Variants in SESN1 observed in about 807,000 individuals in gnomAD.
SESN1 encodes the protein sestrin 1, also known as sestrin-1.
Under a neutral mutation model 59.3 loss-of-function variants are expected in SESN1, and 30 were observed. That is an observed-to-expected ratio of 0.51 (90% CI 0.38 to 0.69). SESN1 has a LOEUF of 0.69. Among genes scored for constraint, SESN1 ranks in the 30% least tolerant of loss-of-function variants. The pLI is 0.00. For synonymous variants in SESN1, 197 were observed against 219.9 expected (o/e 0.90, Z 0.92); for missense variants, 566 against 673.0 (o/e 0.84, Z 1.76).
intron 5 of SESN1, among the ~76,000 whole-genome samples, chr6:108,996,585 G>A (rs1779506520): frequency 6.6e-6 from 1 of 151,886 alleles, no homozygotes; most frequent in African/African-American, 2.4e-5. Context: ...AAGAGGGAAA[G>A]GAAACAAAGT....
intron 1 of SESN1, among the ~76,000 whole-genome samples, chr6:109,020,599 C>T (rs1779995359): frequency 6.6e-6 from 1 of 152,084 alleles, no homozygotes; most frequent in Non-Finnish European, 1.5e-5. Flanking sequence ...ATTTTTTCCT[C>T]TTTATTTCTA....
chr6:109,045,023 CAA>C (rs915797821), intron 1 of SESN1, among the ~76,000 whole-genome samples: 1 of 140,914 alleles, frequency 7.1e-6, no homozygotes, highest in Non-Finnish European at 1.6e-5. Context: ...GACTCCATTT[CAA>C]AAAAAAAAAA....
intron 1 of SESN1, among the ~76,000 whole-genome samples, chr6:109,088,396 C>T (rs1781251420): frequency 1.3e-5 from 2 of 151,776 alleles, no homozygotes; most frequent in South Asian, 4.2e-4. Context: ...AATTGGATAG[C>T]AACTAGATAC....
intron 1 of SESN1, among the ~76,000 whole-genome samples, chr6:109,068,381 T>C (rs1028883508): frequency 1.3e-4 from 20 of 152,168 alleles, no homozygotes; most frequent in African/African-American, 3.4e-4. Context: ...AAAAGAGTTA[T>C]TGAAAGTTAA....
chr6:109,026,534 G>A (rs1780095874), intron 1 of SESN1, among the ~76,000 whole-genome samples: 1 of 151,912 alleles, frequency 6.6e-6, no homozygotes, highest in African/African-American at 2.4e-5. Flanking sequence ...GTCTCGCTCT[G>A]TCGCCAGGCT....
In SESN1 at chr6:109,071,238, C is replaced by T. The variant is rs76421539; in HGVS notation, c.279+22557G>A. ...ACAGAATAAATATATAAGTAAATAA[C>T]GAGTTCAGGTCGTGTTTGGGGCAAA... On this transcript the variant is annotated intron_variant, in intron 1 of 9. Coordinates refer to ENST00000436639, the MANE Select transcript of SESN1 (RefSeq NM_014454.3). 7.8e-3 allele frequency among the ~76,000 whole-genome samples: 1,192 copies of T among 151,944 alleles called. 21 individuals carry two copies. The highest frequency in any genetic ancestry group is 0.028 in the African/African-American group (1,142 of 41,436).
At chr6:109,000,381 G>A (rs1779589706) in intron 4 of SESN1, 110 bp downstream of exon 4, 10 of 749,992 alleles carry the variant, frequency 1.3e-5, no homozygotes, top group South Asian at 1.0e-4. Flanking sequence ...AGAGATTCAG[G>A]GGGTAGAAAA....
At chr6:109,070,700 C>A (rs2114465375) in intron 1 of SESN1, among the ~76,000 whole-genome samples, 1 of 152,278 alleles carries the variant, frequency 6.6e-6, no homozygotes, top group Non-Finnish European at 1.5e-5. Flanking sequence ...TAATCTCCAA[C>A]CTAAAGGATT....
At chr6:109,006,491 C>T (rs562267013) in intron 1 of SESN1, among the ~76,000 whole-genome samples, 22 of 148,028 alleles carry the variant, frequency 1.5e-4, no homozygotes, top group African/African-American at 5.5e-4. Flanking sequence ...ATGTTCCCCA[C>T]CCTGTGTCCA....
At chr6:109,082,905 T>C (rs972225094) in intron 1 of SESN1, among the ~76,000 whole-genome samples, 2 of 152,216 alleles carry the variant, frequency 1.3e-5, no homozygotes, top group East Asian at 3.8e-4. Context: ...ATCAAATGCA[T>C]CATTATCATC....
At position 109,001,482 on chromosome 6, in the gene SESN1, G is replaced by A; in HGVS notation, c.352C>T (p.Gln118Ter). 6.2e-7 allele frequency: 1 copy of A among 1,611,800 alleles called. No homozygotes were observed. Among genetic ancestry groups the A allele is most frequent in the Non-Finnish European group, 8.5e-7 (1 of 1,178,898 alleles). Residue 118 changes from glutamine (Q) to a stop codon, truncating the protein, a stop_gained, in exon 3 of 10, where the codon CAA (glutamine) becomes TAA (stop). Transcript: ENST00000436639. LOFTEE classifies it high-confidence loss of function. ...SRFIPEKEIL[Q>*]VGSEDAQMHA... is the part of the protein sequence containing the mutation. Reference sequence around the variant, plus strand: ...ATCTGTGCGTCTTCACTCCCCACTTGGAGGATCTGTATAAATGAGAAAAAC... The same window carrying A: ...ATCTGTGCGTCTTCACTCCCCACTTAGAGGATCTGTATAAATGAGAAAAAC...
chr6:109,059,441 C>T (rs1424029716), intron 1 of SESN1: 2 of 152,118 alleles, frequency 1.3e-5, no homozygotes, highest in Admixed American at 1.3e-4. Flanking sequence ...GAAACATGGT[C>T]ACTTCCATAA....
At chr6:109,086,581 C>T (rs1273606455) in intron 1 of SESN1, among the ~76,000 whole-genome samples, 3 of 152,110 alleles carry the variant, frequency 2.0e-5, no homozygotes, top group African/African-American at 7.2e-5. Flanking sequence ...GAATGGTCTG[C>T]ACATACAGCA....
chr6:109,011,632 CTT>C (rs1208292681), intron 1 of SESN1, among the ~76,000 whole-genome samples: 42 of 138,610 alleles, frequency 3.0e-4, no homozygotes, highest in African/African-American at 6.4e-4. Flanking sequence ...AATTTTTTTT[CTT>C]TTTTTTTTTT....
chr6:109,043,569 T>TA (rs1780375949), intron 1 of SESN1, among the ~76,000 whole-genome samples: 1 of 152,096 alleles, frequency 6.6e-6, no homozygotes, highest in Non-Finnish European at 1.5e-5. Context: ...TGCTTTTCTA[T>TA]AGACCATCAG....
chr6:109,019,591 C>T lies in SESN1; in HGVS notation c.280-17248G>A, dbSNP rs573961784. On this transcript the variant is annotated intron_variant, in intron 1 of 9. Coordinates refer to ENST00000436639, the MANE Select transcript of SESN1 (RefSeq NM_014454.3). ...TCAAGAAAACATAAATAAAGTCACT[C>T]TTATCCTTTAGTGACACACATGCCA... Among the ~76,000 whole-genome samples the T allele has an allele frequency of 3.3e-5, 5 of 152,272 alleles. No homozygotes were observed. In the South Asian group the frequency reaches 1.0e-3, roughly 32 times the overall value.
intron 6 of SESN1, 77 bp downstream of exon 6, chr6:108,994,385 T>C (rs944264817): frequency 1.8e-5 from 22 of 1,246,470 alleles, no homozygotes; most frequent in Admixed American, 4.0e-5. Context: ...GATTGATGCT[T>C]TAAAAGTTAT....
intron 1 of SESN1, among the ~76,000 whole-genome samples, chr6:109,043,468 C>A (rs187741596): frequency 6.6e-6 from 1 of 152,156 alleles, no homozygotes; most frequent in Non-Finnish European, 1.5e-5. Flanking sequence ...CATAGAAAAT[C>A]CCAAGGAATT....
chr6:108,988,396 GA>G, intron 9 of SESN1, 146 bp downstream of exon 9: 1 of 617,950 alleles, frequency 1.6e-6, no homozygotes. Flanking sequence ...GTTCCCTTCT[GA>G]AGGGGTACCT....
Sources: allele counts gnomAD v4.1 joint callset (sites outside exome capture counted in the v4.1 genomes callset), GRCh38; gene constraint gnomAD v4.1.1; transcripts MANE v1.5; gene names NCBI Gene and HGNC (gene_info 2026-07-23, HGNC 2026-07-21).